Variants in CACNA2D1 observed in about 807,000 individuals in gnomAD.
CACNA2D1 encodes voltage-dependent calcium channel subunit alpha-2/delta-1.
A neutral mutation model predicts 171.5 loss-of-function variants in CACNA2D1; 53 were observed. The ratio of observed to expected loss-of-function variants is 0.31; its 90% CI spans 0.25 to 0.39. The LOEUF (loss-of-function observed/expected upper bound fraction) is 0.39, where lower values mean the gene tolerates loss of function less well. Among genes scored for constraint, CACNA2D1 ranks in the 10% least tolerant of loss-of-function variants. The pLI, the probability that CACNA2D1 is intolerant of heterozygous loss-of-function variation, is 1.00. For synonymous variants in CACNA2D1, 442 were observed against 443.1 expected (o/e 1.00, Z 0.03); for missense variants, 903 against 1,299.8 (o/e 0.69, Z 4.69).
chr7:82,082,507 C>G (rs1809923872), intron 7 of CACNA2D1, among the ~76,000 whole-genome samples: 2 of 151,632 alleles, frequency 1.3e-5, no homozygotes, highest in Non-Finnish European at 2.9e-5. Flanking sequence ...AAAGGCACTT[C>G]TCAAAGGTGG....
In CACNA2D1 at chr7:82,380,604, ATAAT is replaced by A. The variant is rs568386446; in HGVS notation, c.96-30959_96-30956del. 5.3e-3 allele frequency among the ~76,000 whole-genome samples: 807 copies of A among 152,206 alleles called. 7 individuals carry two copies. Among genetic ancestry groups the A allele is most frequent in the African/African-American group, 0.019 (776 of 41,558 alleles). ...CAAAATTATATATTTTGTGAAATATATAATTAAAATTTATATAATTAAAATTTCA... is the reference window on the plus strand; with the variant it reads ...CAAAATTATATATTTTGTGAAATATATAAAATTTATATAATTAAAATTTCA... On this transcript the variant is annotated intron_variant, in intron 1 of 38. Coordinates refer to ENST00000356860, the MANE Select transcript of CACNA2D1 (RefSeq NM_000722.4).
chr7:81,971,041 C>A, intron 26 of CACNA2D1: 1 of 306,152 alleles, frequency 3.3e-6, no homozygotes, highest in Non-Finnish European at 6.2e-6. Context: ...GGGAAAGCTA[C>A]CAGAGATGGC....
chr7:82,336,815 T>C (rs73164299), intron 2 of CACNA2D1, among the ~76,000 whole-genome samples: 2,429 of 152,300 alleles, frequency 0.016, 41 homozygotes, highest in Non-Finnish European at 0.025. Flanking sequence ...TTCTTTGCAG[T>C]AAAACCAATA....
intron 4 of CACNA2D1, among the ~76,000 whole-genome samples, chr7:82,166,998 A>G (rs1795524671): frequency 6.6e-6 from 1 of 152,044 alleles, no homozygotes; most frequent in Non-Finnish European, 1.5e-5. Context: ...ATTTTGCCTA[A>G]GTAATATTAA....
chr7:82,018,275 T>C (rs926567894), intron 12 of CACNA2D1, among the ~76,000 whole-genome samples: 1 of 152,178 alleles, frequency 6.6e-6, no homozygotes, highest in African/African-American at 2.4e-5. Context: ...TCTATTGTAG[T>C]GTCTTACTCA....
At chr7:82,109,176 AC>A (rs1198866305) in intron 6 of CACNA2D1, among the ~76,000 whole-genome samples, 1 of 152,136 alleles carries the variant, frequency 6.6e-6, no homozygotes, top group African/African-American at 2.4e-5. Flanking sequence ...CATTTAACAT[AC>A]AACTCTATAT....
intron 21 of CACNA2D1, among the ~76,000 whole-genome samples, chr7:81,985,196 C>CTTTTTTTTTTTTTTTTTTTTTTT (rs774555240): frequency 4.8e-5 from 5 of 104,174 alleles, no homozygotes; most frequent in African/African-American, 2.1e-4. Flanking sequence ...ATTATCATTA[C>CTTTTTTTTTTTTTTTTTTTTTTT]TTTTTTTTTT....
intron 4 of CACNA2D1, among the ~76,000 whole-genome samples, chr7:82,149,994 A>ACATGTGCGTGTGTGTGTGTGCG (rs1793635253): frequency 6.6e-6 from 1 of 151,212 alleles, no homozygotes; most frequent in Non-Finnish European, 1.5e-5. Flanking sequence ...GTGTGTGTGC[A>ACATGTGCGTGTGTGTGTGTGCG]TGTGTGTGTG....
intron 4 of CACNA2D1, among the ~76,000 whole-genome samples, chr7:82,140,872 G>A (rs1432246191): frequency 6.7e-6 from 1 of 148,892 alleles, no homozygotes; most frequent in Non-Finnish European, 1.5e-5. Context: ...GGAGAATGGC[G>A]TGAACCTGGG....
chr7:82,363,650 C>A (rs192625089), intron 1 of CACNA2D1, among the ~76,000 whole-genome samples: 264 of 152,216 alleles, frequency 1.7e-3, no homozygotes, highest in African/African-American at 6.0e-3. Flanking sequence ...GACTTTTTAT[C>A]TTGACCTTAT....
At chr7:82,287,155 TGTA>T (rs1810899783) in intron 3 of CACNA2D1, among the ~76,000 whole-genome samples, 1 of 152,190 alleles carries the variant, frequency 6.6e-6, no homozygotes, top group Non-Finnish European at 1.5e-5. Flanking sequence ...TTCCTTTTCC[TGTA>T]GAATTCCAGT....
chr7:82,163,407 C>A (rs1052678075), intron 4 of CACNA2D1, among the ~76,000 whole-genome samples: 1 of 152,088 alleles, frequency 6.6e-6, no homozygotes, highest in Admixed American at 6.6e-5. Flanking sequence ...TCAGGAATGT[C>A]TTTTCATGCA....
At chr7:82,264,380 TACTC>T (rs1237542751) in intron 3 of CACNA2D1, among the ~76,000 whole-genome samples, 7 of 152,182 alleles carry the variant, frequency 4.6e-5, no homozygotes, top group South Asian at 2.1e-4. Flanking sequence ...TGACTATAGA[TACTC>T]ACTTATGTTT....
At chr7:82,252,396 C>T (rs1585226695) in intron 3 of CACNA2D1, among the ~76,000 whole-genome samples, 1 of 152,118 alleles carries the variant, frequency 6.6e-6, no homozygotes, top group African/African-American at 2.4e-5. Context: ...GCCTGTCTGG[C>T]CTTATCACAA....
chr7:81,994,603 A>G (rs1458131082), intron 20 of CACNA2D1, among the ~76,000 whole-genome samples: 1 of 152,080 alleles, frequency 6.6e-6, no homozygotes, highest in Admixed American at 6.5e-5. Flanking sequence ...GTAAAATATA[A>G]TTTCAAGAAT....
chr7:82,173,516 T>C (rs1796254644), intron 3 of CACNA2D1, among the ~76,000 whole-genome samples: 1 of 152,012 alleles, frequency 6.6e-6, no homozygotes, highest in Non-Finnish European at 1.5e-5. Flanking sequence ...TAAATATTTT[T>C]ACCTAGCAAA....
intron 3 of CACNA2D1, among the ~76,000 whole-genome samples, chr7:82,243,358 T>G (rs1563249940): frequency 6.6e-6 from 1 of 152,284 alleles, no homozygotes; most frequent in African/African-American, 2.4e-5. Context: ...CCTTTAAAAT[T>G]CAATTCTGCA....
chr7:82,087,519 T>C (rs77960552), intron 6 of CACNA2D1, among the ~76,000 whole-genome samples: 13 of 150,964 alleles, frequency 8.6e-5, no homozygotes, highest in East Asian at 7.8e-4. Flanking sequence ...ATAAAACTGC[T>C]TCACTAGGAA....
intron 3 of CACNA2D1, among the ~76,000 whole-genome samples, chr7:82,280,054 CT>C (rs1809883161): frequency 6.6e-6 from 1 of 152,054 alleles, no homozygotes; most frequent in Non-Finnish European, 1.5e-5. Context: ...AAACAAAACA[CT>C]TTTTAAAAAC....
Sources: gnomAD v4.1 joint callset for allele counts (sites outside exome capture counted in the v4.1 genomes callset) on GRCh38, gnomAD v4.1.1 for gene constraint, MANE v1.5 for transcripts, NCBI Gene and HGNC (gene_info 2026-07-23, HGNC 2026-07-21) for gene names.